The following PIAS1 variants were observed in gnomAD, a reference collection of about 807,000 sequenced individuals.
PIAS1 encodes the protein protein inhibitor of activated STAT 1.
A neutral mutation model predicts 71.3 loss-of-function variants in PIAS1; 6 were observed. The ratio of observed to expected loss-of-function variants is 0.08; its 90% CI spans 0.05 to 0.17. The LOEUF is 0.17. Ranked by LOEUF, PIAS1 falls within the 10% of genes least tolerant of loss-of-function variation. The pLI, the probability that PIAS1 is intolerant of heterozygous loss-of-function variation, is 1.00. For missense variants in PIAS1, 555 were observed against 793.6 expected, an observed-to-expected ratio of 0.70 and a Z score of 3.61; for synonymous variants, 303 against 292.9, an observed-to-expected ratio of 1.03 and a Z score of -0.35.
At position 68,161,922 on chromosome 15, in the gene PIAS1, CTG is replaced by C. The variant is rs1209651996; in HGVS notation, c.935-2807_935-2806del. ...CCAGCCTGGGTGACAGAGTGAGACT[CTG>C]TCTCAAAAAAAATTTTTTTTTCTTG... On this transcript the variant is annotated intron_variant, in intron 7 of 13. Coordinates refer to ENST00000249636, the MANE Select transcript of PIAS1 (RefSeq NM_016166.3). Among the ~76,000 whole-genome samples, 4 of 151,318 alleles carry C rather than the reference CTG, an allele frequency of 2.6e-5. No individual in the cohort carries two copies. The South Asian group carries it at 8.4e-4, about 32-fold the overall frequency.
chr15:68,137,113 G>A (rs538414570), intron 2 of PIAS1, among the ~76,000 whole-genome samples: 6 of 152,224 alleles, frequency 3.9e-5, no homozygotes, highest in African/African-American at 9.6e-5. Flanking sequence ...GCACTCTTGC[G>A]ATGTGTCAGG....
chr15:68,175,823 T>A (rs1190641802), intron 10 of PIAS1, 56 bp downstream of exon 10: 5 of 1,256,860 alleles, frequency 4.0e-6, no homozygotes. Context: ...AGTCTGGTTT[T>A]CAATATTAAA....
At chr15:68,072,803 T>C (rs2092113763) in intron 1 of PIAS1, among the ~76,000 whole-genome samples, 1 of 152,226 alleles carries the variant, frequency 6.6e-6, no homozygotes, top group South Asian at 2.1e-4. Context: ...TTTATTTTTT[T>C]ATGTCCGTTT....
intron 2 of PIAS1, among the ~76,000 whole-genome samples, chr15:68,118,620 G>A (rs1163432200): frequency 6.6e-6 from 1 of 152,198 alleles, no homozygotes; most frequent in Non-Finnish European, 1.5e-5. Context: ...GGAATTACAA[G>A]TGTGATCCAC....
chr15:68,068,834 A>G lies in PIAS1; in HGVS notation c.24+14484A>G, dbSNP rs75774275. ...AAGTTGAATCGTCAGAGTTATGAGA[A>G]AAGTCCAGCTTTTTGGCAAGACCAT... On this transcript the variant is annotated intron_variant, in intron 1 of 13. Coordinates refer to ENST00000249636, the MANE Select transcript of PIAS1 (RefSeq NM_016166.3). Among the ~76,000 whole-genome samples the G allele has an allele frequency of 4.3e-3, 657 of 152,168 alleles. 5 individuals carry two copies. The highest frequency in any genetic ancestry group is 0.015 in the African/African-American group (606 of 41,508).
intron 1 of PIAS1, among the ~76,000 whole-genome samples, chr15:68,079,729 T>C (rs979545349): frequency 4.6e-5 from 7 of 152,342 alleles, no homozygotes; most frequent in African/African-American, 1.4e-4. Flanking sequence ...TCCTCCTGCC[T>C]CAGCCTCCCA....
chr15:68,124,854 G>T (rs575700206), intron 2 of PIAS1, among the ~76,000 whole-genome samples: 1 of 152,240 alleles, frequency 6.6e-6, no homozygotes, highest in African/African-American at 2.4e-5. Flanking sequence ...CAAGTATTTT[G>T]ATCTCTTTTG....
intron 1 of PIAS1, among the ~76,000 whole-genome samples, chr15:68,067,720 T>C (rs539163038): frequency 6.0e-4 from 92 of 152,212 alleles, no homozygotes; most frequent in African/African-American, 2.1e-3. Flanking sequence ...TTAAAAAAAA[T>C]TAAATTATAT....
At chr15:68,170,869 G>T (rs1371704256) in intron 8 of PIAS1, among the ~76,000 whole-genome samples, 1 of 152,090 alleles carries the variant, frequency 6.6e-6, no homozygotes. Context: ...TCAAACTCCT[G>T]ATCTCAGGTG....
At chr15:68,114,097 G>A (rs539974300) in intron 2 of PIAS1, among the ~76,000 whole-genome samples, 1 of 150,752 alleles carries the variant, frequency 6.6e-6, no homozygotes, top group East Asian at 1.9e-4. Flanking sequence ...TTTGTATAAG[G>A]TATAAAAAGC....
At chr15:68,062,260 TAAA>T (rs1349789055) in intron 1 of PIAS1, among the ~76,000 whole-genome samples, 1 of 152,178 alleles carries the variant, frequency 6.6e-6, no homozygotes, top group African/African-American at 2.4e-5. Flanking sequence ...GTAAATAGGG[TAAA>T]AATGGAAAGA....
intron 7 of PIAS1, chr15:68,153,905 C>A: frequency 2.9e-6 from 1 of 349,492 alleles, no homozygotes; most frequent in South Asian, 5.6e-5. Context: ...AGTGCACAAA[C>A]ATGGAAGAAT....
rs1011411647 is a variant in PIAS1 at position 68,184,612 on chromosome 15, G to A, written c.1662+945G>A. 82 of 152,292 alleles carry A rather than the reference G, an allele frequency of 5.4e-4. 2 individuals are homozygous for A. The highest frequency in any genetic ancestry group is 2.0e-3 in the African/African-American group (81 of 41,462). 9.4% of individuals were successfully genotyped at this position (152,292 alleles called of 1,614,324 possible). Reference sequence around the variant, plus strand: ...ATTATGTAATATCAAAGTGAGTGGAGAGTCTGCAAATGCAGATGTGAAGGC... The same window carrying A: ...ATTATGTAATATCAAAGTGAGTGGAAAGTCTGCAAATGCAGATGTGAAGGC... On this transcript the variant is annotated intron_variant, in intron 13 of 13. Coordinates refer to ENST00000249636, the MANE Select transcript of PIAS1 (RefSeq NM_016166.3).
In PIAS1 at chr15:68,178,871, C is replaced by T. The variant is rs1437812553; in HGVS notation, c.1481+2217C>T. On this transcript the variant is annotated intron_variant, in intron 11 of 13. Coordinates refer to ENST00000249636, the MANE Select transcript of PIAS1 (RefSeq NM_016166.3). The surrounding 1 kb of genome is among the most constrained non-coding windows in gnomAD (Gnocchi z 4.2). ...TTTGGATATTTACTTTGCTCTTTCT[C>T]CAAAAATATTTGGAGAAAATAAAAT... 9.2e-5 allele frequency among the ~76,000 whole-genome samples: 14 copies of T among 151,910 alleles called. No homozygotes were observed. Among genetic ancestry groups the T allele is most frequent in the Admixed American group, 9.2e-4 (14 of 15,250 alleles).
At chr15:68,132,219 C>T (rs1181134439) in intron 2 of PIAS1, among the ~76,000 whole-genome samples, 4 of 152,076 alleles carry the variant, frequency 2.6e-5, no homozygotes, top group African/African-American at 9.7e-5. Context: ...TGGCTCACAC[C>T]TGTAATCCCA....
At chr15:68,084,157 A>G (rs1048221661) in intron 1 of PIAS1, among the ~76,000 whole-genome samples, 5 of 152,324 alleles carry the variant, frequency 3.3e-5, no homozygotes, top group African/African-American at 9.6e-5. Flanking sequence ...GCTGTCATCA[A>G]TGCAGAGTTT....
At chr15:68,158,329 T>G (rs1370839968) in intron 7 of PIAS1, among the ~76,000 whole-genome samples, 1 of 152,216 alleles carries the variant, frequency 6.6e-6, no homozygotes, top group Non-Finnish European at 1.5e-5. Flanking sequence ...CTCTTTAGTC[T>G]TTCTTCAGTG....
chr15:68,143,694 C>T (rs2092788293), intron 4 of PIAS1, among the ~76,000 whole-genome samples: 1 of 152,098 alleles, frequency 6.6e-6, no homozygotes, highest in Non-Finnish European at 1.5e-5. Context: ...CAACAGTTTA[C>T]ATTTTGCTTG....
intron 6 of PIAS1, among the ~76,000 whole-genome samples, chr15:68,151,707 C>CACACACACA (rs140053964): frequency 7.4e-6 from 1 of 134,508 alleles, no homozygotes; most frequent in African/African-American, 2.8e-5. Flanking sequence ...CACACACACA[C>CACACACACA]AAATTAGCTA....
Sources: allele counts gnomAD v4.1 joint callset (sites outside exome capture counted in the v4.1 genomes callset), GRCh38; gene constraint gnomAD v4.1.1; non-coding constraint Gnocchi (gnomAD v3.1); transcripts MANE v1.5; gene names NCBI Gene and HGNC (gene_info 2026-07-23, HGNC 2026-07-21).